Variants in RALGDS observed in about 807,000 individuals in gnomAD.
RALGDS encodes the protein ral guanine nucleotide exchange factor.
RALGDS carries 44 observed loss-of-function variants against 99.8 expected under a neutral mutation model. That is an observed-to-expected ratio of 0.44 (90% confidence interval 0.35 to 0.57). The LOEUF is 0.57. Among genes scored for constraint, RALGDS ranks in the 20% least tolerant of loss-of-function variants. RALGDS has a pLI of 0.01. For synonymous variants in RALGDS, 529 were observed against 505.0 expected (o/e 1.05, Z -0.64); for missense variants, 1,022 against 1,203.1 (o/e 0.85, Z 2.23).
intron 1 of RALGDS, among the ~76,000 whole-genome samples, chr9:133,127,118 CAGTACATCCTTG>C (rs1832186590): frequency 6.6e-6 from 1 of 152,240 alleles, no homozygotes; most frequent in Non-Finnish European, 1.5e-5. Context: ...ATTCCTTGGC[CAGTACATCCTTG>C]GCCGGTACCT....
upstream of RALGDS, among the ~76,000 whole-genome samples, chr9:133,133,760 C>T (rs1056299273): frequency 3.3e-5 from 5 of 152,248 alleles, no homozygotes; most frequent in African/African-American, 1.2e-4. Context: ...CCCAGCACGC[C>T]GGGTGGCCTG....
chr9:133,102,610 A>G (rs745941240), intron 13 of RALGDS, 39 bp from the exon 14 acceptor site: 7 of 1,609,560 alleles, frequency 4.3e-6, no homozygotes, highest in South Asian at 3.3e-5. Flanking sequence ...ACCAGGGGCC[A>G]TGCTCCGGCC....
Position 133,102,810 on chromosome 9 carries a change from G to A in RALGDS, c.1882C>T (p.Arg628Trp), listed in dbSNP as rs767057890. ...GTCTCGCTGAGCCGCTCCACGGCCC[G>A]GAACCAGGCCCCAAATTGCTCATCT... ...APDEQFGAWF[R>W]AVERLSETES... The change falls in exon 13 of 18, where the codon CGG becomes TGG. Residue 628 changes from arginine (R) to tryptophan (W), a missense_variant. By Grantham distance (101) the Arg-to-Trp change is moderately radical. This residue lies in a region of RALGDS where 825 missense variants were observed against 994.5 expected (regional missense o/e 0.83). Transcript: ENST00000372050. The A allele has an allele frequency of 9.9e-6, 16 of 1,613,110 alleles. No homozygotes were observed. The East Asian group carries it at 1.3e-4, about 13-fold the overall frequency.
At position 133,105,818 on chromosome 9, in the gene RALGDS, CGCCCCA is replaced by C. The variant is rs1281187142; in HGVS notation, c.1602+108_1602+113del. 347 of 296,704 alleles carry C rather than the reference CGCCCCA, an allele frequency of 1.2e-3. 6 individuals are homozygous for C. Among genetic ancestry groups the C allele is most frequent in the African/African-American group, 0.011 (318 of 28,456 alleles). 18.4% of individuals were successfully genotyped at this position (296,704 alleles called of 1,614,324 possible). On this transcript the variant is annotated intron_variant, in intron 9 of 17. Transcript: ENST00000372050. ...GCAAGAAGCGAATGCCACCGCCCGC[CGCCCCA>C]GCCCCCGCCCCAGCCCCCGCCCCAG...
chr9:133,108,774 G>A lies in RALGDS; in HGVS notation c.677C>T (p.Ala226Val). 13 of 1,613,630 alleles carry A rather than the reference G, an allele frequency of 8.1e-6. No individual in the cohort carries two copies. The highest frequency in any genetic ancestry group is 1.1e-5 in the Non-Finnish European group (13 of 1,180,004). ...GCCTGGCATGTTGAGCTGCACGTAG[G>A]CCACCAGCTGCTTGAGGCAGGGAAA... The part of the protein sequence containing the change: ...PDFPCLKQLV[A>V]YVQLNMPGSD... Residue 226 changes from alanine to valine, a missense_variant, in exon 5 of 18, where the codon GCC becomes GTC. Coordinates refer to ENST00000372050, the MANE Select transcript of RALGDS (RefSeq NM_006266.4).
rs566406964 is a variant in RALGDS, at chr9:133,102,334, G to C, written c.2009+142C>G. The C allele has an allele frequency of 4.6e-4, 505 of 1,102,120 alleles. 2 individuals carry two copies. The African/African-American group carries it at 6.8e-3, about 15-fold the overall frequency. 68.3% of individuals were successfully genotyped at this position (1,102,120 alleles called of 1,614,324 possible). A position where few individuals can be genotyped will look rare whatever the true frequency, so the allele number is the denominator to read the frequency against. On this transcript the variant is annotated intron_variant, in intron 14 of 17. Coordinates refer to ENST00000372050, the MANE Select transcript of RALGDS (RefSeq NM_006266.4). ...GGAAACTGAGGCCCAAAAAGGTGAG[G>C]GGACTCATCCCAGTCTCAGGGCCAG...
intron 17 of RALGDS, 53 bp from the exon 18 acceptor site, chr9:133,098,815 G>T: frequency 6.4e-7 from 1 of 1,573,682 alleles, no homozygotes; most frequent in Non-Finnish European, 8.7e-7. Flanking sequence ...GGCCCTGCAG[G>T]ATACCCCTAC....
At chr9:133,100,019 T>C (rs1830680501) in intron 17 of RALGDS, 1 of 566,734 alleles carries the variant, frequency 1.8e-6, no homozygotes, top group Admixed American at 3.0e-5. Context: ...AAAAATGCCT[T>C]TTCTCTTTGC....
At chr9:133,125,939 G>T (rs1832139144), upstream of RALGDS, among the ~76,000 whole-genome samples, 1 of 152,128 alleles carries the variant, frequency 6.6e-6, no homozygotes, top group African/African-American at 2.4e-5. Flanking sequence ...CTGCTGTGGG[G>T]ACTGAGGCCG....
chr9:133,103,008 C>A, intron 12 of RALGDS, 108 bp from the exon 13 acceptor site: 1 of 1,516,726 alleles, frequency 6.6e-7, no homozygotes. Context: ...TACTCCCATC[C>A]AGGCCTTCCT....
At chr9:133,141,220 C>G (rs939758415) in intron 1 of RALGDS, among the ~76,000 whole-genome samples, 32 of 152,360 alleles carry the variant, frequency 2.1e-4, no homozygotes, top group African/African-American at 7.0e-4. Context: ...GAGAGAACAT[C>G]TGAGGCAACC....
intron 1 of RALGDS, among the ~76,000 whole-genome samples, chr9:133,126,476 TCTC>T (rs1182707318): frequency 2.6e-5 from 4 of 152,192 alleles, no homozygotes; most frequent in Non-Finnish European, 5.9e-5. Context: ...ATTTCCCTCT[TCTC>T]CTGTAACTCT....
intron 1 of RALGDS, among the ~76,000 whole-genome samples, chr9:133,142,488 C>T (rs981315401): frequency 9.9e-5 from 15 of 152,104 alleles, no homozygotes; most frequent in African/African-American, 2.7e-4. Flanking sequence ...TGGGTTGCCA[C>T]GGGAACACTC....
intron 1 of RALGDS, among the ~76,000 whole-genome samples, chr9:133,126,267 C>G (rs1247545072): frequency 6.6e-6 from 1 of 152,000 alleles, no homozygotes; most frequent in East Asian, 1.9e-4. Context: ...GGGCTACAAC[C>G]ACAAGCCCCT....
intron 1 of RALGDS, among the ~76,000 whole-genome samples, chr9:133,113,780 A>G (rs772737701): frequency 6.6e-6 from 1 of 152,142 alleles, no homozygotes; most frequent in Non-Finnish European, 1.5e-5. Context: ...CTCAGCTGGG[A>G]GTCTCTCTCT....
At chr9:133,107,793 G>A (rs868281825) in intron 6 of RALGDS, among the ~76,000 whole-genome samples, 195 bp downstream of exon 6, 11 of 152,358 alleles carry the variant, frequency 7.2e-5, no homozygotes, top group Admixed American at 2.6e-4. Context: ...CTGGAGGATA[G>A]GGGTGACCTC....
chr9:133,124,119 TAG>T (rs570418396), upstream of RALGDS, among the ~76,000 whole-genome samples: 1 of 49,776 alleles, frequency 2.0e-5, no homozygotes, highest in African/African-American at 8.9e-5. Flanking sequence ...GACACACACA[TAG>T]AGACAGAGAC....
Position 133,106,580 on chromosome 9 carries a change from G to C in RALGDS, c.1517+65C>G, listed in dbSNP as rs918139466. ...TTGTGGCCTCCCATGGGCTCACTAA[G>C]GGGGTGATGCCAGCCCTGTGGGAGG... On this transcript the variant is annotated intron_variant, in intron 8 of 17. Transcript: ENST00000372050. 2.0e-5 allele frequency: 26 copies of C among 1,281,016 alleles called. No homozygotes were observed. In the Admixed American group the frequency reaches 4.7e-4, roughly 23 times the overall value. The allele number at this position is 1,281,016 out of a possible 1,614,324, so 79.4% of individuals were successfully genotyped here. A position where few individuals can be genotyped will look rare whatever the true frequency, so the allele number is the denominator to read the frequency against.
At position 133,112,090 on chromosome 9, in the gene RALGDS, G is replaced by T. The variant is rs772693063; in HGVS notation, c.246C>A (p.Arg82=). 1.3e-6 allele frequency: 2 copies of T among 1,586,698 alleles called. No homozygotes were observed. The highest frequency in any genetic ancestry group is 2.7e-5 in the African/African-American group (2 of 74,214). Residue 82 remains arginine (R), a synonymous_variant, in exon 2 of 18, where the codon CGC becomes CGA. Coordinates refer to ENST00000372050, the MANE Select transcript of RALGDS (RefSeq NM_006266.4). ...INGVIYSISL[R]KVQLHHGGNK... ...TGCCTCCGTGGTGCAGCTGCACCTT[G>T]CGCAGGGAGATGGAGTAGATGACTC...
Sources: allele counts gnomAD v4.1 joint callset (sites outside exome capture counted in the v4.1 genomes callset), GRCh38; gene constraint gnomAD v4.1.1; regional missense constraint gnomAD v4.1.1; transcripts MANE v1.5; gene names NCBI Gene and HGNC (gene_info 2026-07-23, HGNC 2026-07-21).